ITPK1: variants seen among roughly 807,000 people sequenced by gnomAD.
The protein encoded by ITPK1 is inositol-tetrakisphosphate 1-kinase, also known as inositol 1,3,4-trisphosphate 5/6-kinase.
A neutral mutation model predicts 45.3 loss-of-function variants in ITPK1; 21 were observed. The ratio of observed to expected loss-of-function variants is 0.46; its 90% CI spans 0.33 to 0.67. The LOEUF is 0.67. Among genes scored for constraint, ITPK1 ranks in the 30% least tolerant of loss-of-function variants. The pLI is 0.02. For missense variants in ITPK1, 474 were observed against 573.5 expected, an observed-to-expected ratio of 0.83 and a Z score of 1.77; for synonymous variants, 258 against 253.6, an observed-to-expected ratio of 1.02 and a Z score of -0.16.
chr14:92,965,231 C>A (rs1302162852), intron 5 of ITPK1, among the ~76,000 whole-genome samples: 2 of 152,220 alleles, frequency 1.3e-5, no homozygotes, highest in Non-Finnish European at 2.9e-5. Flanking sequence ...CAGAATCAAC[C>A]AAGGCAATAC....
intron 2 of ITPK1, among the ~76,000 whole-genome samples, chr14:93,103,559 G>A (rs1892407663): frequency 6.6e-6 from 1 of 152,196 alleles, no homozygotes. Context: ...GGGGCTCCAG[G>A]AGACTGTGGT....
At chr14:92,989,746 G>A (rs73332130) in intron 5 of ITPK1, among the ~76,000 whole-genome samples, 5,691 of 152,292 alleles carry the variant, frequency 0.037, 365 homozygotes, top group African/African-American at 0.13. Context: ...GGTTTGAATT[G>A]AATCCAGGCT....
At position 93,047,720 on chromosome 14, in the gene ITPK1, G is replaced by A. The variant is rs547190708; in HGVS notation, c.120+28875C>T. Among the ~76,000 whole-genome samples, 34 of 152,346 alleles carry A rather than the reference G, an allele frequency of 2.2e-4. 1 individual carries two copies. The highest frequency in any genetic ancestry group is 7.7e-4 in the African/African-American group (32 of 41,590). On this transcript the variant is annotated intron_variant, in intron 3 of 10. Transcript: ENST00000267615. Reference sequence around the variant, plus strand: ...GTGAATTTCTGTTCTCCTAAGCCACGCAGTTTGCAGTGACCTGTTATGGCA... The same window carrying A: ...GTGAATTTCTGTTCTCCTAAGCCACACAGTTTGCAGTGACCTGTTATGGCA...
At chr14:92,997,609 A>G (rs1887122536) in intron 4 of ITPK1, among the ~76,000 whole-genome samples, 1 of 152,236 alleles carries the variant, frequency 6.6e-6, no homozygotes, top group Admixed American at 6.5e-5. Flanking sequence ...TCTTAGAATT[A>G]CCAATCTGCT....
intron 3 of ITPK1, among the ~76,000 whole-genome samples, chr14:93,033,661 G>A (rs573372382): frequency 6.6e-6 from 1 of 152,314 alleles, no homozygotes; most frequent in East Asian, 1.9e-4. Flanking sequence ...GAGGTAAGAG[G>A]TACGTGTCTA....
chr14:92,977,549 G>A (rs1555363431), intron 5 of ITPK1, among the ~76,000 whole-genome samples: 1 of 152,080 alleles, frequency 6.6e-6, no homozygotes, highest in Non-Finnish European at 1.5e-5. Context: ...CCCAGCATCG[G>A]GGGAGGACCT....
intron 3 of ITPK1, among the ~76,000 whole-genome samples, chr14:93,046,146 T>C (rs1437828409): frequency 5.3e-5 from 8 of 152,206 alleles, no homozygotes; most frequent in African/African-American, 1.9e-4. Context: ...CTCCTGACTC[T>C]CAGGGCATCT....
At chr14:92,959,392 C>T (rs777155515) in intron 7 of ITPK1, among the ~76,000 whole-genome samples, 5 of 152,224 alleles carry the variant, frequency 3.3e-5, no homozygotes, top group Non-Finnish European at 7.3e-5. Flanking sequence ...TCAGCTGTCA[C>T]GGAGCGCCGG....
chr14:92,945,308 A>G (rs1887631383), intron 10 of ITPK1, among the ~76,000 whole-genome samples: 1 of 152,240 alleles, frequency 6.6e-6, no homozygotes, highest in African/African-American at 2.4e-5. Context: ...GCGCCTGCGC[A>G]TGCTCTCAGA....
chr14:93,016,581 G>A lies in ITPK1; in HGVS notation c.246+95C>T. On this transcript the variant is annotated intron_variant, in intron 4 of 10. Transcript: ENST00000267615. The surrounding 1 kb of genome is among the most constrained non-coding windows in gnomAD (Gnocchi z 5.0). ...TTTCTCCAGACTATACCTCCAGAGA[G>A]CTGCTACCGCCCTAAATACACACAC... 7.2e-7 allele frequency: 1 copy of A among 1,390,410 alleles called. No homozygotes were observed. Among genetic ancestry groups the A allele is most frequent in the Non-Finnish European group, 1.0e-6 (1 of 1,002,856 alleles). The allele number at this position is 1,390,410 out of a possible 1,614,324, so 86.1% of individuals were successfully genotyped here.
At chr14:93,039,672 T>C (rs1028078423) in intron 3 of ITPK1, among the ~76,000 whole-genome samples, 12 of 152,196 alleles carry the variant, frequency 7.9e-5, no homozygotes, top group African/African-American at 2.4e-4. Context: ...AGGACGCACC[T>C]ACACCTCACA....
At chr14:93,111,998 T>C (rs1011335276) in intron 2 of ITPK1, among the ~76,000 whole-genome samples, 2 of 152,010 alleles carry the variant, frequency 1.3e-5, no homozygotes, top group Admixed American at 1.3e-4. Context: ...TCATGGCCCA[T>C]GAAGTGGCTC....
intron 3 of ITPK1, among the ~76,000 whole-genome samples, chr14:93,061,080 T>A (rs1378216907): frequency 1.3e-5 from 2 of 152,146 alleles, no homozygotes; most frequent in Non-Finnish European, 2.9e-5. Flanking sequence ...GAGGGATCAC[T>A]CCAAAAGACA....
At chr14:92,946,636 G>A (rs902031515) in intron 9 of ITPK1, 143 bp from the exon 10 acceptor site, 13 of 828,130 alleles carry the variant, frequency 1.6e-5, no homozygotes, top group African/African-American at 3.4e-5. Context: ...TGGTGAGCAC[G>A]GGGCGGCCAC....
chr14:92,999,500 G>A (rs770145673), intron 4 of ITPK1, among the ~76,000 whole-genome samples: 3 of 152,220 alleles, frequency 2.0e-5, no homozygotes, highest in Non-Finnish European at 2.9e-5. Flanking sequence ...TGCTCCACAC[G>A]CTGCTTAGGA....
At chr14:92,946,173 G>A (rs563177701) in intron 10 of ITPK1, among the ~76,000 whole-genome samples, 158 bp downstream of exon 10, 6 of 152,258 alleles carry the variant, frequency 3.9e-5, no homozygotes, top group South Asian at 2.1e-4. Context: ...AGCCCATCGC[G>A]CAGGTGAGGC....
intron 3 of ITPK1, among the ~76,000 whole-genome samples, chr14:93,061,682 C>T (rs1261929619): frequency 6.6e-6 from 1 of 152,172 alleles, no homozygotes; most frequent in Non-Finnish European, 1.5e-5. Flanking sequence ...ACATATTCCT[C>T]CTACAGACTA....
intron 3 of ITPK1, among the ~76,000 whole-genome samples, chr14:93,035,280 A>G (rs1889266862): frequency 1.3e-5 from 2 of 152,252 alleles, no homozygotes; most frequent in South Asian, 4.1e-4. Context: ...CAGTTGGGCC[A>G]GTGAGGCAAA....
intron 5 of ITPK1, among the ~76,000 whole-genome samples, chr14:92,979,516 A>T (rs1373943161): frequency 1.3e-5 from 2 of 152,018 alleles, no homozygotes; most frequent in Non-Finnish European, 2.9e-5. Context: ...TGTAATTCCC[A>T]ATTTGGGGGA....
Sources: allele counts gnomAD v4.1 joint callset (sites outside exome capture counted in the v4.1 genomes callset), GRCh38; gene constraint gnomAD v4.1.1; non-coding constraint Gnocchi (gnomAD v3.1); transcripts MANE v1.5; gene names NCBI Gene and HGNC (gene_info 2026-07-23, HGNC 2026-07-21).